MUSK: variants seen among roughly 807,000 people sequenced by gnomAD.
MUSK encodes muscle, skeletal receptor tyrosine-protein kinase.
MUSK carries 55 observed loss-of-function variants against 88.7 expected under a neutral mutation model. The ratio of observed to expected loss-of-function variants is 0.62; its 90% CI spans 0.50 to 0.78. The LOEUF (loss-of-function observed/expected upper bound fraction) is 0.78. MUSK is among the 30% of genes least tolerant of loss of function. The pLI is 0.00. For synonymous variants in MUSK, 387 were observed against 391.9 expected (o/e 0.99, Z 0.15); for missense variants, 1,015 against 1,074.3 (o/e 0.94, Z 0.77).
chr9:110,747,145 G>A (rs1025738611), intron 6 of MUSK, among the ~76,000 whole-genome samples: 3 of 152,198 alleles, frequency 2.0e-5, no homozygotes, highest in African/African-American at 7.2e-5. Context: ...TTTTGCTGCT[G>A]GGCAGGACTG....
chr9:110,712,933 G>C (rs1250595495), intron 5 of MUSK, among the ~76,000 whole-genome samples: 3 of 152,154 alleles, frequency 2.0e-5, no homozygotes, highest in African/African-American at 7.2e-5. Context: ...AGTTTGTGTA[G>C]GGTTATATAC....
At chr9:110,692,865 T>A (rs2076376606) in intron 3 of MUSK, among the ~76,000 whole-genome samples, 1 of 152,054 alleles carries the variant, frequency 6.6e-6, no homozygotes, top group South Asian at 2.1e-4. Context: ...AAAAAAAAAA[T>A]TGATTTTGTT....
rs573110619 is a variant in MUSK at position 110,715,200 on chromosome 9, A to G, written c.628+17734A>G. ...AAAAAGCTCTGGAGAAAGAAAAAGA[A>G]CTAGAAGACCTGGCTTCAAAATTTA... On this transcript the variant is annotated intron_variant, in intron 5 of 14. Coordinates refer to ENST00000374448, the MANE Select transcript of MUSK (RefSeq NM_005592.4). Among the ~76,000 whole-genome samples, 4 of 150,118 alleles carry G rather than the reference A, an allele frequency of 2.7e-5. No individual in the cohort carries two copies. In the East Asian group the frequency reaches 5.8e-4, roughly 22 times the overall value.
intron 5 of MUSK, among the ~76,000 whole-genome samples, chr9:110,715,288 G>A (rs1384056333): frequency 6.7e-6 from 1 of 149,680 alleles, no homozygotes; most frequent in African/African-American, 2.5e-5. Flanking sequence ...TATAAATCAT[G>A]TCATTTAATC....
chr9:110,729,326 T>TAAAAAAA (rs34882321), intron 5 of MUSK, among the ~76,000 whole-genome samples: 14 of 97,374 alleles, frequency 1.4e-4, no homozygotes, highest in East Asian at 2.7e-4. Flanking sequence ...CTGTTTTCTG[T>TAAAAAAA]AAAAAAAAAA....
rs2076210242 is a variant in MUSK, at chr9:110,687,246, T to C, written c.336T>C (p.Cys112=). The change falls in exon 3 of 15, where the codon TGT becomes TGC. Residue 112 remains cysteine (C), a synonymous_variant. Transcript: ENST00000374448. ...NNGVGGAVES[C]GALQVKMKPK... Reference sequence around the variant, plus strand: ...GTGTGGGAGGAGCTGTGGAGAGTTGTGGAGCCCTGCAAGTGAAGATGAGTG... The same window carrying C: ...GTGTGGGAGGAGCTGTGGAGAGTTGCGGAGCCCTGCAAGTGAAGATGAGTG... The C allele has an allele frequency of 1.2e-6, 2 of 1,613,754 alleles. No homozygotes were observed. Among genetic ancestry groups the C allele is most frequent in the Non-Finnish European group, 8.5e-7 (1 of 1,179,816 alleles).
chr9:110,779,058 C>CTGTG (rs10680441), intron 11 of MUSK, among the ~76,000 whole-genome samples: 22,369 of 149,580 alleles, frequency 0.15, 1,795 homozygotes, highest in Non-Finnish European at 0.19. Context: ...GTCAGTGTCT[C>CTGTG]TGTGTGTGTG....
chr9:110,687,088 A>G, intron 2 of MUSK, 29 bp from the exon 3 acceptor site: 1 of 1,600,718 alleles, frequency 6.2e-7, no homozygotes, highest in Non-Finnish European at 8.5e-7. Context: ...AGGAAGCACT[A>G]ATCTGTCATT....
chr9:110,697,031 CAT>C (rs1374153970), intron 4 of MUSK, among the ~76,000 whole-genome samples: 2 of 148,182 alleles, frequency 1.3e-5, no homozygotes, highest in African/African-American at 4.9e-5. Flanking sequence ...AGCCCATATA[CAT>C]ATATATATTA....
intron 7 of MUSK, among the ~76,000 whole-genome samples, chr9:110,748,426 A>T (rs368357137): frequency 2.6e-5 from 4 of 152,128 alleles, no homozygotes; most frequent in East Asian, 3.9e-4. Flanking sequence ...AAGCCACAGC[A>T]GGTCTTACAG....
rs182987904 is a variant in MUSK at position 110,720,510 on chromosome 9, T to C, written c.629-13741T>C. 1.0e-3 allele frequency among the ~76,000 whole-genome samples: 152 copies of C among 152,148 alleles called. 1 individual carries two copies. Among genetic ancestry groups the C allele is most frequent in the Middle Eastern group, 3.4e-3 (1 of 294 alleles). On this transcript the variant is annotated intron_variant, in intron 5 of 14. Transcript: ENST00000374448. ...AACCTAGAGGAGATGGATAAACTCC[T>C]GGAAGTATACAACCCTCCTAGATTA...
intron 1 of MUSK, among the ~76,000 whole-genome samples, chr9:110,669,233 T>C (rs1362629379): frequency 2.0e-5 from 3 of 152,182 alleles, no homozygotes; most frequent in African/African-American, 7.2e-5. Flanking sequence ...CTCTGACTTC[T>C]AGGGCAAAAC....
In MUSK at chr9:110,784,907, T is replaced by C. The variant is rs368165176; in HGVS notation, c.1477T>C (p.Ser493Pro). The C allele has an allele frequency of 1.2e-6, 2 of 1,613,776 alleles. No individual in the cohort carries two copies. Among genetic ancestry groups the C allele is most frequent in the African/African-American group, 2.7e-5 (2 of 74,942 alleles). The change falls in exon 12 of 15, where the codon TCC becomes CCC. Residue 493 changes from serine (S) to proline (P), a missense_variant. Physicochemically the swap from Ser to Pro is moderately conservative, Grantham distance 74. Coordinates refer to ENST00000374448, the MANE Select transcript of MUSK (RefSeq NM_005592.4). ...TTCCTTCTCTGTCTCACCTACATAC[T>C]CCATGACTGTAATAATCTCCATCAT... ...SSSFSVSPTY[S>P]MTVIISIMSS... is the part of the protein sequence containing the mutation.
chr9:110,741,641 G>A (rs889191700), intron 6 of MUSK, among the ~76,000 whole-genome samples: 7 of 152,098 alleles, frequency 4.6e-5, no homozygotes, highest in Admixed American at 1.3e-4. Flanking sequence ...TTTCACTATT[G>A]TTTTCGCTGA....
chr9:110,681,035 ATTATATAATATATATTATATAT>A (rs2076108664), intron 1 of MUSK, among the ~76,000 whole-genome samples: 2 of 39,200 alleles, frequency 5.1e-5, no homozygotes, highest in African/African-American at 3.0e-4. Context: ...TATATTATAT[ATTATATAATATATATTATATAT>A]TATATATATA....
At chr9:110,715,346 T>TA (rs1356307649) in intron 5 of MUSK, among the ~76,000 whole-genome samples, 2 of 149,596 alleles carry the variant, frequency 1.3e-5, no homozygotes, top group Non-Finnish European at 2.9e-5. Context: ...GTTTTCTGGA[T>TA]AAAAAACCTG....
At chr9:110,721,311 C>A (rs1276553507) in intron 5 of MUSK, among the ~76,000 whole-genome samples, 2 of 152,074 alleles carry the variant, frequency 1.3e-5, no homozygotes, top group Non-Finnish European at 2.9e-5. Context: ...TCACTGTTTG[C>A]TGATGATATA....
At chr9:110,685,376 T>C (rs537680910) in intron 2 of MUSK, among the ~76,000 whole-genome samples, 1 of 152,198 alleles carries the variant, frequency 6.6e-6, no homozygotes, top group African/African-American at 2.4e-5. Context: ...TTTTGTGCAG[T>C]CTGGATAGGC....
chr9:110,675,587 T>G (rs866206842), intron 1 of MUSK, among the ~76,000 whole-genome samples: 20 of 77,166 alleles, frequency 2.6e-4, no homozygotes, highest in African/African-American at 7.3e-4. Flanking sequence ...TTTTTTTTTT[T>G]GGGACTGAGT....
Sources: gnomAD v4.1 joint callset for allele counts (sites outside exome capture counted in the v4.1 genomes callset) on GRCh38, gnomAD v4.1.1 for gene constraint, MANE v1.5 for transcripts, NCBI Gene and HGNC (gene_info 2026-07-23, HGNC 2026-07-21) for gene names.